The following BRD7 variants were observed in gnomAD, a reference collection of about 807,000 sequenced individuals.
The protein encoded by BRD7 is bromodomain-containing protein 7.
Under a neutral mutation model 82.1 loss-of-function variants are expected in BRD7, and 15 were observed. The ratio of observed to expected loss-of-function variants is 0.18; its 90% CI spans 0.12 to 0.28. The LOEUF is 0.28. Among genes scored for constraint, BRD7 ranks in the 10% least tolerant of loss-of-function variants. The probability of loss-of-function intolerance (pLI) is 1.00; values close to 1 mark genes in which losing one functional copy is unlikely to be tolerated. For synonymous variants in BRD7, 232 were observed against 266.9 expected (o/e 0.87, Z 1.27); for missense variants, 638 against 779.9 (o/e 0.82, Z 2.17).
chr16:50,357,814 C>T (rs539703808), intron 2 of BRD7, among the ~76,000 whole-genome samples: 3 of 152,180 alleles, frequency 2.0e-5, no homozygotes, highest in African/African-American at 7.2e-5. Context: ...AACTCCATCT[C>T]TACTAAAAAT....
chr16:50,349,288 C>T, intron 5 of BRD7: 1 of 263,670 alleles, frequency 3.8e-6, no homozygotes, highest in Non-Finnish European at 7.4e-6. Flanking sequence ...GGAGATATAC[C>T]TAATGTAAAT....
intron 2 of BRD7, among the ~76,000 whole-genome samples, chr16:50,365,333 T>A (rs2039098956): frequency 6.6e-6 from 1 of 152,170 alleles, no homozygotes; most frequent in Non-Finnish European, 1.5e-5. Context: ...ATCTGTAAGG[T>A]ACAGACATTG....
intron 9 of BRD7, among the ~76,000 whole-genome samples, chr16:50,327,528 C>T (rs1029795833): frequency 1.3e-5 from 2 of 152,186 alleles, no homozygotes; most frequent in Non-Finnish European, 2.9e-5. Flanking sequence ...AGCACTAGCT[C>T]CTTTTCTTCT....
chr16:50,358,495 CAAAA>C (rs371307047), intron 2 of BRD7, among the ~76,000 whole-genome samples: 2 of 122,032 alleles, frequency 1.6e-5, no homozygotes, highest in Non-Finnish European at 1.6e-5. Flanking sequence ...GATCCTGTCT[CAAAA>C]AAAAAAAAAA....
At chr16:50,333,159 AAT>A (rs1211811349) in intron 8 of BRD7, among the ~76,000 whole-genome samples, 1 of 152,266 alleles carries the variant, frequency 6.6e-6, no homozygotes, top group Non-Finnish European at 1.5e-5. Flanking sequence ...CATGCTAAAC[AAT>A]ATGATTTCAA....
Position 50,318,614 on chromosome 16 carries a change from G to T in BRD7, c.*597C>A, listed in dbSNP as rs1202045831. On this transcript the variant is annotated 3_prime_UTR_variant, in exon 17 of 17. Transcript: ENST00000394688. ...AGAAATGTCACCTTTTGGTAATCTGGTAATTCCCTGATCTATTCAAGGATG... is the reference window on the plus strand; with the variant it reads ...AGAAATGTCACCTTTTGGTAATCTGTTAATTCCCTGATCTATTCAAGGATG... 6.6e-6 allele frequency: 1 copy of T among 152,152 alleles called. No homozygotes were observed. Among genetic ancestry groups the T allele is most frequent in the Non-Finnish European group, 1.5e-5 (1 of 68,038 alleles). The allele number at this position is 152,152 out of a possible 1,614,324, so 9.4% of individuals were successfully genotyped here.
intron 2 of BRD7, among the ~76,000 whole-genome samples, chr16:50,358,105 T>C (rs1207383568): frequency 6.6e-6 from 1 of 152,224 alleles, no homozygotes; most frequent in Non-Finnish European, 1.5e-5. Flanking sequence ...GTATGTGTTG[T>C]AGTATGAAAA....
At chr16:50,350,265 A>G (rs1163718167) in intron 4 of BRD7, 98 bp from the exon 5 acceptor site, 2 of 849,054 alleles carry the variant, frequency 2.4e-6, no homozygotes, top group South Asian at 6.9e-5. Context: ...TCAGATGCAG[A>G]AAGAATTTGT....
chr16:50,329,912 G>A (rs1211884129), intron 8 of BRD7, among the ~76,000 whole-genome samples: 3 of 152,212 alleles, frequency 2.0e-5, no homozygotes, highest in Non-Finnish European at 4.4e-5. Flanking sequence ...CCGCTGTAAT[G>A]GCTCTGTAAA....
intron 5 of BRD7, among the ~76,000 whole-genome samples, chr16:50,342,911 T>C (rs2038129104): frequency 6.6e-6 from 1 of 152,124 alleles, no homozygotes; most frequent in Admixed American, 6.5e-5. Context: ...ACATGGTTCC[T>C]TTCCCTGGAA....
At chr16:50,354,610 A>G (rs2038662488) in intron 3 of BRD7, 128 bp from the exon 4 acceptor site, 1 of 1,202,362 alleles carries the variant, frequency 8.3e-7, no homozygotes, top group South Asian at 1.5e-5. Context: ...TTAAAAATAT[A>G]TTGAAGTTTG....
At chr16:50,365,325 C>A (rs2039098584) in intron 2 of BRD7, among the ~76,000 whole-genome samples, 1 of 152,204 alleles carries the variant, frequency 6.6e-6, no homozygotes, top group African/African-American at 2.4e-5. Flanking sequence ...GAGAAAACAT[C>A]TGTAAGGTAC....
intron 2 of BRD7, among the ~76,000 whole-genome samples, chr16:50,356,721 A>G (rs953766366): frequency 2.9e-5 from 4 of 139,162 alleles, no homozygotes; most frequent in Non-Finnish European, 6.0e-5. Flanking sequence ...GGGGAAAAAA[A>G]AAATATATAT....
At chr16:50,365,474 T>C (rs1023225942) in intron 2 of BRD7, among the ~76,000 whole-genome samples, 13 of 151,846 alleles carry the variant, frequency 8.6e-5, no homozygotes, top group African/African-American at 2.9e-4. Context: ...AACAGACAAC[T>C]AAAGGATGCT....
At chr16:50,340,939 CA>C (rs1241796813) in intron 5 of BRD7, among the ~76,000 whole-genome samples, 2 of 151,334 alleles carry the variant, frequency 1.3e-5, no homozygotes, top group African/African-American at 2.4e-5. Context: ...GTTTAAAAAA[CA>C]AAAAAAATTC....
chr16:50,368,530 G>A (rs1237369172), intron 1 of BRD7, 196 bp downstream of exon 1: 1 of 697,810 alleles, frequency 1.4e-6, no homozygotes, highest in South Asian at 2.5e-5. Flanking sequence ...GAGACCCACC[G>A]GACCAGGGGG....
intron 2 of BRD7, among the ~76,000 whole-genome samples, chr16:50,356,127 T>C (rs2038721774): frequency 6.6e-6 from 1 of 152,226 alleles, no homozygotes; most frequent in African/African-American, 2.4e-5. Context: ...TCGCCTCTCT[T>C]TGGCAACATT....
chr16:50,360,878 GAC>G (rs2038910535), intron 2 of BRD7, among the ~76,000 whole-genome samples: 1 of 152,190 alleles, frequency 6.6e-6, no homozygotes, highest in South Asian at 2.1e-4. Context: ...CCTCAGGAGG[GAC>G]ACACACAGAC....
chr16:50,354,549 A>G, intron 3 of BRD7, 67 bp from the exon 4 acceptor site: 1 of 1,345,854 alleles, frequency 7.4e-7, no homozygotes, highest in Non-Finnish European at 1.0e-6. Context: ...TATTTACTAG[A>G]TCATTTTCTA....
Sources: gnomAD v4.1 joint callset for allele counts (sites outside exome capture counted in the v4.1 genomes callset) on GRCh38, gnomAD v4.1.1 for gene constraint, MANE v1.5 for transcripts, NCBI Gene and HGNC (gene_info 2026-07-23, HGNC 2026-07-21) for gene names.